MROH1: variants seen among roughly 807,000 people sequenced by gnomAD.
The protein encoded by MROH1 is maestro heat-like repeat-containing protein family member 1.
Under a neutral mutation model 116.5 loss-of-function variants are expected in MROH1, and 117 were observed. That is an observed-to-expected ratio of 1.00 (90% confidence interval 0.86 to 1.17). The LOEUF (loss-of-function observed/expected upper bound fraction) is 1.17, where lower values mean the gene tolerates loss of function less well. Ranked by LOEUF, MROH1 falls within the 50% of genes most tolerant of loss-of-function variation. The pLI is 0.00. For synonymous variants in MROH1, 921 were observed against 583.9 expected, an observed-to-expected ratio of 1.58 and a Z score of -8.32; for missense variants, 1,873 against 1,338.5, an observed-to-expected ratio of 1.40 and a Z score of -6.23.
At position 144,242,869 on chromosome 8, in the gene MROH1, G is replaced by GC. The variant is rs1189047203; in HGVS notation, c.2352+247dup. ...CCGAGGGGCCGGGTCGTGGGCTGTC[G>GC]CCCCCCAGGGAGTTCAGCCAGCCCC... On this transcript the variant is annotated intron_variant, in intron 24 of 43. Transcript: ENST00000326134. Among the ~76,000 whole-genome samples the GC allele has an allele frequency of 4.0e-3, 607 of 152,224 alleles. 2 individuals are homozygous for GC. The highest frequency in any genetic ancestry group is 0.014 in the African/African-American group (578 of 41,546).
At chr8:144,166,502 C>T (rs139425548) in intron 3 of MROH1, among the ~76,000 whole-genome samples, 26 of 152,250 alleles carry the variant, frequency 1.7e-4, no homozygotes, top group African/African-American at 4.6e-4. Flanking sequence ...TGACTGTGTG[C>T]GGGGCCAGGA....
intron 35 of MROH1, among the ~76,000 whole-genome samples, chr8:144,257,939 G>C (rs2129859154): frequency 6.6e-6 from 1 of 152,304 alleles, no homozygotes; most frequent in Non-Finnish European, 1.5e-5. Context: ...TTGAAATGGA[G>C]GGTCCTGCTG....
chr8:144,183,099 T>C (rs1007475580), intron 7 of MROH1, among the ~76,000 whole-genome samples: 6 of 151,672 alleles, frequency 4.0e-5, no homozygotes, highest in African/African-American at 1.2e-4. Flanking sequence ...CAAAACTAGC[T>C]GGGCATGGTA....
chr8:144,228,471 T>G, intron 14 of MROH1, among the ~76,000 whole-genome samples: 1 of 152,104 alleles, frequency 6.6e-6, no homozygotes, highest in East Asian at 1.9e-4. Context: ...TGTGACAATT[T>G]CTTGTTTTTG....
intron 16 of MROH1, 53 bp from the exon 17 acceptor site, chr8:144,239,270 G>C: frequency 8.0e-6 from 4 of 502,832 alleles, no homozygotes; most frequent in Non-Finnish European, 1.2e-5. Context: ...CCTGACACCC[G>C]CCCCAGGGCT....
At chr8:144,203,827 C>T (rs769404522) in intron 12 of MROH1, among the ~76,000 whole-genome samples, 5 of 152,164 alleles carry the variant, frequency 3.3e-5, no homozygotes, top group Admixed American at 6.5e-5. Flanking sequence ...TGCCCATGCT[C>T]TTGTTAGAGA....
chr8:144,167,626 G>C (rs947515959), intron 3 of MROH1, among the ~76,000 whole-genome samples: 5 of 152,162 alleles, frequency 3.3e-5, no homozygotes, highest in African/African-American at 1.2e-4. Context: ...CAAGTCCCTG[G>C]GATGCTTGGC....
intron 4 of MROH1, among the ~76,000 whole-genome samples, chr8:144,176,773 G>A (rs1347149604): frequency 6.6e-6 from 1 of 150,736 alleles, no homozygotes; most frequent in Non-Finnish European, 1.5e-5. Context: ...AGGTTGCAGT[G>A]AGTTGAGATT....
chr8:144,205,191 G>A (rs1356677313), intron 12 of MROH1, among the ~76,000 whole-genome samples: 1 of 152,180 alleles, frequency 6.6e-6, no homozygotes, highest in Non-Finnish European at 1.5e-5. Flanking sequence ...CACCCAGCCA[G>A]AAGTCATCAA....
intron 12 of MROH1, among the ~76,000 whole-genome samples, chr8:144,202,794 A>AG (rs1831644602): frequency 6.3e-5 from 1 of 15,894 alleles, no homozygotes; most frequent in Non-Finnish European, 1.1e-4. Flanking sequence ...AGGGGCTGGG[A>AG]GGGAAGCGCA....
At chr8:144,152,002 G>A (rs1412938959) in intron 1 of MROH1, among the ~76,000 whole-genome samples, 6 of 152,168 alleles carry the variant, frequency 3.9e-5, no homozygotes, top group South Asian at 2.1e-4. Flanking sequence ...ATTCTTGCAC[G>A]TCCTTTGCTC....
rs1231136226 is a variant in MROH1 at position 144,200,464 on chromosome 8, T to C, written c.1064T>C (p.Leu355Pro). 8.4e-6 allele frequency: 13 copies of C among 1,551,572 alleles called. No homozygotes were observed. The highest frequency in any genetic ancestry group is 1.1e-5 in the Non-Finnish European group (13 of 1,147,510). Residue 355 changes from leucine to proline, a missense_variant, in exon 12 of 44, where the codon CTG becomes CCG. By Grantham distance (98) the Leu-to-Pro change is moderately conservative. Coordinates refer to ENST00000326134, the MANE Select transcript of MROH1 (RefSeq NM_032450.3). ...CCTGACCGCCTACTGGCCTTCCTGC[T>C]GCCCAGGCTGGACACCAGCAATGAG... is the stretch of plus-strand genomic sequence containing the variant. ...SSPDRLLAFL[L>P]PRLDTSNERT... is the part of the protein sequence containing the mutation.
chr8:144,178,412 G>A (rs1272476025), intron 4 of MROH1, among the ~76,000 whole-genome samples: 1 of 151,864 alleles, frequency 6.6e-6, no homozygotes, highest in South Asian at 2.1e-4. Context: ...GATTACAGGC[G>A]TGAGCCACCA....
intron 4 of MROH1, chr8:144,175,216 G>A: frequency 3.2e-6 from 3 of 950,028 alleles, no homozygotes; most frequent in Non-Finnish European, 3.8e-6. Context: ...ATGCCCTGCT[G>A]CACCCAAGCT....
intron 4 of MROH1, chr8:144,175,641 A>G (rs1316103910): frequency 1.7e-6 from 1 of 590,196 alleles, no homozygotes; most frequent in Admixed American, 6.4e-5. Context: ...CAGAAACAAT[A>G]GGCTGGGTGC....
intron 12 of MROH1, 80 bp from the exon 13 acceptor site, chr8:144,220,520 C>T: frequency 1.5e-6 from 2 of 1,317,620 alleles, no homozygotes; most frequent in Non-Finnish European, 2.1e-6. Context: ...CACGGGGAAG[C>T]CAGGCCCCTG....
At chr8:144,152,432 A>G (rs1483483329) in intron 1 of MROH1, among the ~76,000 whole-genome samples, 1 of 151,756 alleles carries the variant, frequency 6.6e-6, no homozygotes, top group Non-Finnish European at 1.5e-5. Flanking sequence ...CTCTGTCGCC[A>G]GGCTGGAGTG....
Position 144,213,126 on chromosome 8 carries a change from C to T in MROH1, c.1142-7474C>T, listed in dbSNP as rs1254932652. 5 of 770,222 alleles carry T rather than the reference C, an allele frequency of 6.5e-6. No individual in the cohort carries two copies. In the African/African-American group the frequency reaches 8.5e-5, roughly 13 times the overall value. 47.7% of individuals were successfully genotyped at this position (770,222 alleles called of 1,614,324 possible). A position where few individuals can be genotyped will look rare whatever the true frequency, so the allele number is the denominator to read the frequency against. ...GCGCCCGCGTCTGTTGCTTGAGTCACCACGGCTGTTACATCCCGTGCTCTC... is the reference window on the plus strand; with the variant it reads ...GCGCCCGCGTCTGTTGCTTGAGTCATCACGGCTGTTACATCCCGTGCTCTC... On this transcript the variant is annotated intron_variant, in intron 12 of 43. Coordinates refer to ENST00000326134, the MANE Select transcript of MROH1 (RefSeq NM_032450.3).
intron 8 of MROH1, 39 bp downstream of exon 8, chr8:144,190,974 G>A (rs751955415): frequency 2.5e-5 from 39 of 1,580,382 alleles, no homozygotes; most frequent in Non-Finnish European, 3.3e-5. Flanking sequence ...CCTGATGCCA[G>A]GGCTCTCTCC....
Sources: gnomAD v4.1 joint callset for allele counts (sites outside exome capture counted in the v4.1 genomes callset) on GRCh38, gnomAD v4.1.1 for gene constraint, MANE v1.5 for transcripts, NCBI Gene and HGNC (gene_info 2026-07-23, HGNC 2026-07-21) for gene names.